PHIP: variants seen among roughly 807,000 people sequenced by gnomAD.
PHIP encodes PH-interacting protein.
PHIP carries 54 observed loss-of-function variants against 236.8 expected under a neutral mutation model. The observed-to-expected ratio is 0.23, with a 90% CI of 0.18 to 0.29. The LOEUF (loss-of-function observed/expected upper bound fraction) is 0.29, where lower values mean the gene tolerates loss of function less well. Among genes scored for constraint, PHIP ranks in the 10% least tolerant of loss-of-function variants. The probability of loss-of-function intolerance (pLI) is 1.00; values close to 1 mark genes in which losing one functional copy is unlikely to be tolerated. For synonymous variants in PHIP, 756 were observed against 718.9 expected, an observed-to-expected ratio of 1.05 and a Z score of -0.83; for missense variants, 1,370 against 2,190.8, an observed-to-expected ratio of 0.63 and a Z score of 7.48.
chr6:79,016,188 C>T (rs1770826246), intron 13 of PHIP, among the ~76,000 whole-genome samples: 1 of 151,906 alleles, frequency 6.6e-6, no homozygotes, highest in African/African-American at 2.4e-5. Context: ...ATAACAGCTA[C>T]AACACGCAGT....
intron 13 of PHIP, among the ~76,000 whole-genome samples, chr6:79,016,143 C>T (rs1770823677): frequency 6.6e-6 from 1 of 151,942 alleles, no homozygotes; most frequent in East Asian, 1.9e-4. Context: ...GATGACTACA[C>T]ACAAATACAA....
chr6:79,019,077 A>C lies in PHIP; in HGVS notation c.994+12T>G. On this transcript the variant is annotated intron_variant, in intron 10 of 39. Coordinates refer to ENST00000275034, the MANE Select transcript of PHIP (RefSeq NM_017934.7). ...CAACTTTAAGTCGAAAATTAGAATG[A>C]GGGAAACTTACCAGCACTAAAAGAA... 1.9e-6 allele frequency: 3 copies of C among 1,599,210 alleles called. No homozygotes were observed. Among genetic ancestry groups the C allele is most frequent in the Non-Finnish European group, 2.6e-6 (3 of 1,166,682 alleles).
chr6:79,022,734 TCACTTAGC>T (rs1562186608), intron 9 of PHIP, among the ~76,000 whole-genome samples: 1 of 152,196 alleles, frequency 6.6e-6, no homozygotes, highest in Non-Finnish European at 1.5e-5. Flanking sequence ...AGCTTATGGT[TCACTTAGC>T]CACTTAGACT....
chr6:79,066,734 A>T (rs994478665), intron 4 of PHIP, among the ~76,000 whole-genome samples: 3 of 152,260 alleles, frequency 2.0e-5, no homozygotes, highest in Non-Finnish European at 2.9e-5. Flanking sequence ...TACAATATTT[A>T]TAAGATTATA....
chr6:78,937,344 C>A lies in PHIP; in HGVS notation c.*3349G>T, dbSNP rs1390718943. On this transcript the variant is annotated 3_prime_UTR_variant, in exon 40 of 40. Coordinates refer to ENST00000275034, the MANE Select transcript of PHIP (RefSeq NM_017934.7). Reference sequence around the variant, plus strand: ...AATTAATTTATATTACAAATCATATCTGAAAACATGTAAATGCTGCTAACA... The same window carrying A: ...AATTAATTTATATTACAAATCATATATGAAAACATGTAAATGCTGCTAACA... The A allele has an allele frequency of 6.6e-6, 1 of 151,644 alleles. No homozygotes were observed. Among genetic ancestry groups the A allele is most frequent in the Non-Finnish European group, 1.5e-5 (1 of 67,644 alleles). The allele number at this position is 151,644 out of a possible 1,614,324, so 9.4% of individuals were successfully genotyped here. A position where few individuals can be genotyped will look rare whatever the true frequency, so the allele number is the denominator to read the frequency against.
intron 24 of PHIP, among the ~76,000 whole-genome samples, chr6:78,972,747 C>T (rs1289142706): frequency 6.6e-6 from 1 of 151,892 alleles, no homozygotes; most frequent in Non-Finnish European, 1.5e-5. Context: ...GCCTCAGGAG[C>T]CGATGCGATG....
intron 15 of PHIP, among the ~76,000 whole-genome samples, chr6:79,009,878 G>A (rs571071274): frequency 0.026 from 3,583 of 139,834 alleles, 58 homozygotes; most frequent in Non-Finnish European, 0.038. Context: ...ATATATATAA[G>A]AGAGATATAA....
chr6:78,987,924 C>T (rs1451097278), intron 21 of PHIP, among the ~76,000 whole-genome samples: 2 of 152,128 alleles, frequency 1.3e-5, no homozygotes, highest in Non-Finnish European at 2.9e-5. Context: ...CCCTGCTCTA[C>T]CTCTTAATAG....
chr6:79,066,655 A>G (rs1280348411), intron 4 of PHIP, among the ~76,000 whole-genome samples: 1 of 152,238 alleles, frequency 6.6e-6, no homozygotes, highest in Non-Finnish European at 1.5e-5. Context: ...ACTAGCATAA[A>G]AGCATAAATT....
intron 4 of PHIP, among the ~76,000 whole-genome samples, chr6:79,065,764 C>CA (rs1773589573): frequency 7.0e-6 from 1 of 143,380 alleles, no homozygotes; most frequent in African/African-American, 2.6e-5. Context: ...CTTAACTATA[C>CA]CACACACACA....
intron 7 of PHIP, among the ~76,000 whole-genome samples, chr6:79,038,638 T>C (rs1365266624): frequency 7.7e-6 from 1 of 130,142 alleles, no homozygotes; most frequent in African/African-American, 2.9e-5. Flanking sequence ...AGCTTCTCTG[T>C]CTCAATTATT....
chr6:79,071,898 T>C (rs1316933458), intron 4 of PHIP, among the ~76,000 whole-genome samples: 2 of 145,626 alleles, frequency 1.4e-5, no homozygotes, highest in Non-Finnish European at 2.9e-5. Flanking sequence ...TGCATTAGAC[T>C]ATTATTATTA....
chr6:78,961,162 C>T (rs1446687986), intron 31 of PHIP, among the ~76,000 whole-genome samples: 1 of 151,972 alleles, frequency 6.6e-6, no homozygotes, highest in Non-Finnish European at 1.5e-5. Context: ...TATGCCTGGG[C>T]CATTTAACTC....
rs1773474834 is a variant in PHIP at position 78,941,028 on chromosome 6, G to A, written c.5131C>T (p.Arg1711Cys). 6.2e-7 allele frequency: 1 copy of A among 1,613,684 alleles called. No individual in the cohort carries two copies. The highest frequency in any genetic ancestry group is 1.3e-5 in the African/African-American group (1 of 74,988). ...VKEDLLQKKN[R>C]GGRKPKRKMK... Reference sequence around the variant, plus strand: ...TTCCTTTTGGGCTTCCTACCTCCACGATTCTTTTTCTGTAACAAATCTTCC... The same window carrying A: ...TTCCTTTTGGGCTTCCTACCTCCACAATTCTTTTTCTGTAACAAATCTTCC... The change falls in exon 40 of 40, where the codon CGT becomes TGT. Residue 1711 changes from arginine (R) to cysteine (C), a missense_variant. Arg to Cys is a radical substitution (Grantham distance 180, BLOSUM62 -3). Transcript: ENST00000275034.
At chr6:79,055,932 T>C (rs1773045842) in intron 6 of PHIP, among the ~76,000 whole-genome samples, 1 of 152,228 alleles carries the variant, frequency 6.6e-6, no homozygotes, top group African/African-American at 2.4e-5. Context: ...TATTCTTGGA[T>C]CAAGCTTCTC....
chr6:78,945,162 C>A, intron 39 of PHIP, 138 bp downstream of exon 39: 1 of 643,266 alleles, frequency 1.6e-6, no homozygotes, highest in Non-Finnish European at 2.8e-6. Context: ...TAGCTCATTG[C>A]AGTAAATTTA....
At chr6:79,008,189 A>G (rs1188372135) in intron 15 of PHIP, among the ~76,000 whole-genome samples, 1 of 141,494 alleles carries the variant, frequency 7.1e-6, no homozygotes, top group African/African-American at 2.6e-5. Context: ...GACTCCGTCT[A>G]AAAAAAAAAA....
At chr6:78,954,745 T>G in intron 35 of PHIP, 69 bp downstream of exon 35, 1 of 917,152 alleles carries the variant, frequency 1.1e-6, no homozygotes, top group Non-Finnish European at 1.6e-6. Flanking sequence ...GTAACTAAAA[T>G]AGCCAACTGT....
intron 9 of PHIP, among the ~76,000 whole-genome samples, chr6:79,024,197 T>C (rs975409121): frequency 6.6e-6 from 1 of 152,236 alleles, no homozygotes; most frequent in Admixed American, 6.5e-5. Context: ...AATGTTCATA[T>C]ACATGAAGTT....
Sources: allele counts gnomAD v4.1 joint callset (sites outside exome capture counted in the v4.1 genomes callset), GRCh38; gene constraint gnomAD v4.1.1; transcripts MANE v1.5; gene names NCBI Gene and HGNC (gene_info 2026-07-23, HGNC 2026-07-21).